Variants in NLRP13 observed in about 807,000 individuals in gnomAD.
NLRP13 encodes NLR family pyrin domain containing 13, also known as NACHT, LRR and PYD domains-containing protein 13.
A neutral mutation model predicts 94.4 loss-of-function variants in NLRP13; 82 were observed. The ratio of observed to expected loss-of-function variants is 0.87; its 90% CI spans 0.73 to 1.04. NLRP13 has a LOEUF of 1.04. NLRP13 is among the 50% of genes least tolerant of loss of function. NLRP13 has a pLI of 0.00. For synonymous variants in NLRP13, 553 were observed against 464.7 expected (o/e 1.19, Z -2.45); for missense variants, 1,426 against 1,230.8 (o/e 1.16, Z -2.37).
intron 10 of NLRP13, among the ~76,000 whole-genome samples, chr19:55,897,364 C>CA (rs1217548710): frequency 3.3e-5 from 5 of 151,914 alleles, no homozygotes; most frequent in Admixed American, 2.6e-4. Flanking sequence ...ATAATAAATA[C>CA]AAAAAAACAG....
chr19:55,917,696 T>C (rs1438644449), intron 4 of NLRP13, among the ~76,000 whole-genome samples: 2 of 152,010 alleles, frequency 1.3e-5, no homozygotes, highest in African/African-American at 4.8e-5. Context: ...TTTTATATAA[T>C]GATAAAGGGA....
Position 55,911,867 on chromosome 19 carries a change from G to A in NLRP13, c.1950C>T (p.Phe650=), listed in dbSNP as rs1319155337. 2 of 1,614,156 alleles carry A rather than the reference G, an allele frequency of 1.2e-6. No individual in the cohort carries two copies. The highest frequency in any genetic ancestry group is 3.3e-5 in the Admixed American group (2 of 60,018). The stretch of plus-strand genomic sequence containing the variant: ...AGATACGACCCAACATCTTCTTTGT[G>A]AAGTCTTCCTCCTGGGACTCGTGTA... ...HCLHESQEED[F]TKKMLGRIFE... is the part of the protein sequence containing the mutation. The change falls in exon 5 of 11, where the codon TTC becomes TTT. Residue 650 remains phenylalanine, a synonymous_variant. Coordinates refer to ENST00000342929, the MANE Select transcript of NLRP13 (RefSeq NM_176810.2).
intron 1 of NLRP13, among the ~76,000 whole-genome samples, chr19:55,929,865 A>T (rs1274360582): frequency 6.6e-6 from 1 of 152,190 alleles, no homozygotes; most frequent in Non-Finnish European, 1.5e-5. Flanking sequence ...AATAAAGCCT[A>T]AAGTTGGTTC....
Position 55,901,896 on chromosome 19 carries a change from C to G in NLRP13, c.2789+139G>C, listed in dbSNP as rs1986189571. 5 of 874,814 alleles carry G rather than the reference C, an allele frequency of 5.7e-6. No individual in the cohort carries two copies. The South Asian group carries it at 9.1e-5, about 16-fold the overall frequency. 54.2% of individuals were successfully genotyped at this position (874,814 alleles called of 1,614,324 possible). A position where few individuals can be genotyped will look rare whatever the true frequency, so the allele number is the denominator to read the frequency against. On this transcript the variant is annotated intron_variant, in intron 9 of 10. Transcript: ENST00000342929. ...CTCCCACTTTCCCCATCCCACACCC[C>G]CGACAAAACCAGAAGCTCCTCCATG... is the stretch of plus-strand genomic sequence containing the variant.
intron 6 of NLRP13, among the ~76,000 whole-genome samples, chr19:55,908,871 C>A (rs1354497937): frequency 6.6e-6 from 1 of 152,150 alleles, no homozygotes; most frequent in Non-Finnish European, 1.5e-5. Context: ...CCATGACACA[C>A]ATTTACCTAG....
chr19:55,906,721 G>A (rs1331544976), intron 7 of NLRP13, among the ~76,000 whole-genome samples: 3 of 149,248 alleles, frequency 2.0e-5, no homozygotes, highest in East Asian at 2.0e-4. Flanking sequence ...GAGACAGACC[G>A]TTACTCTTTG....
chr19:55,911,992 A>T lies in NLRP13; in HGVS notation c.1825T>A (p.Ser609Thr), dbSNP rs564352779. Residue 609 changes from serine to threonine, a missense_variant, in exon 5 of 11, where the codon TCT becomes ACT. Ser to Thr is a moderately conservative substitution (Grantham distance 58). Coordinates refer to ENST00000342929, the MANE Select transcript of NLRP13 (RefSeq NM_176810.2). The stretch of plus-strand genomic sequence containing the variant: ...AATAATTCCTCCATTACCCTGGGAG[A>T]TATTTTACAATGCAAAGTATCTTCC... ...ELEDTLHCKI[S>T]PRVMEELLKW... 17 of 1,614,066 alleles carry T rather than the reference A, an allele frequency of 1.1e-5. No homozygotes were observed. Among genetic ancestry groups the T allele is most frequent in the Non-Finnish European group, 1.4e-5 (17 of 1,180,034 alleles).
chr19:55,898,929 C>A lies in NLRP13; in HGVS notation c.2798G>T (p.Gly933Val), dbSNP rs761295400. Residue 933 changes from glycine to valine, a missense_variant, in exon 10 of 11, where the codon GGT (glycine) becomes GTT (valine). Coordinates refer to ENST00000342929, the MANE Select transcript of NLRP13 (RefSeq NM_176810.2). Reference protein sequence around the residue: ...DGNLQSLNLSGCSFTREGCGE... With the variant: ...DGNLQSLNLSVCSFTREGCGE... ...ACAGCCCTCTCTTGTGAAAGAACAA[C>A]CTGACAAACTGCAAAATAAAAACAT... 6.2e-7 allele frequency: 1 copy of A among 1,607,100 alleles called. No individual in the cohort carries two copies. The highest frequency in any genetic ancestry group is 1.1e-5 in the South Asian group (1 of 89,890).
At chr19:55,918,831 C>A (rs1305268490) in intron 4 of NLRP13, among the ~76,000 whole-genome samples, 1 of 151,986 alleles carries the variant, frequency 6.6e-6, no homozygotes, top group Non-Finnish European at 1.5e-5. Flanking sequence ...GAAACTGTTG[C>A]AGAAAAAGAT....
At position 55,912,853 on chromosome 19, in the gene NLRP13, G is replaced by A. The variant is rs200051453; in HGVS notation, c.964C>T (p.Arg322Cys). 9.9e-5 allele frequency: 160 copies of A among 1,614,024 alleles called. No individual in the cohort carries two copies. Among genetic ancestry groups the A allele is most frequent in the Non-Finnish European group, 1.2e-4 (144 of 1,180,048 alleles). Residue 322 changes from arginine (R) to cysteine (C), a missense_variant, in exon 5 of 11, where the codon CGC (arginine) becomes TGC (cysteine). Arg to Cys is a radical substitution (Grantham distance 180). Transcript: ENST00000342929. ...GFEEIIISES[R>C]SESLDDGSPC... ...GAGCCATCATCCAAGCTCTCAGAGC[G>A]TGACTCAGATATGATTATTTCCTCA...
chr19:55,895,788 G>A (rs113695958), downstream of NLRP13, among the ~76,000 whole-genome samples: 4 of 152,342 alleles, frequency 2.6e-5, no homozygotes, highest in African/African-American at 9.6e-5. Flanking sequence ...CACAGCAGGT[G>A]CACAGCACAG....
intron 3 of NLRP13, 79 bp from the exon 4 acceptor site, chr19:55,924,058 A>G: frequency 1.8e-6 from 2 of 1,099,682 alleles, no homozygotes; most frequent in East Asian, 2.4e-5. Context: ...TCTCAGTAGA[A>G]CCAACTCTTT....
At chr19:55,917,409 T>A (rs1986699085) in intron 4 of NLRP13, among the ~76,000 whole-genome samples, 1 of 151,940 alleles carries the variant, frequency 6.6e-6, no homozygotes, top group African/African-American at 2.4e-5. Context: ...ACATTGTAAC[T>A]GGAAAAAAGG....
chr19:55,928,227 C>A (rs919839520), intron 1 of NLRP13, among the ~76,000 whole-genome samples: 3 of 152,166 alleles, frequency 2.0e-5, no homozygotes, highest in African/African-American at 4.8e-5. Flanking sequence ...GGCCCTGCAG[C>A]CTTCAGGCAG....
At chr19:55,920,524 G>C (rs1368520717) in intron 4 of NLRP13, among the ~76,000 whole-genome samples, 1 of 151,066 alleles carries the variant, frequency 6.6e-6, no homozygotes, top group Non-Finnish European at 1.5e-5. Context: ...AGAAGACATA[G>C]AAGTAGTCAA....
At chr19:55,930,188 TACAA>T (rs1987076946) in intron 1 of NLRP13, among the ~76,000 whole-genome samples, 1 of 152,164 alleles carries the variant, frequency 6.6e-6, no homozygotes, top group African/African-American at 2.4e-5. Flanking sequence ...GGAGAAGCTG[TACAA>T]GGTCAAGCAC....
intron 1 of NLRP13, 78 bp downstream of exon 1, chr19:55,931,915 C>T: frequency 7.7e-7 from 1 of 1,306,272 alleles, no homozygotes; most frequent in Admixed American, 1.9e-5. Context: ...TGGAATGACC[C>T]CACAAAAACC....
At chr19:55,897,343 A>G (rs1986043871) in intron 10 of NLRP13, among the ~76,000 whole-genome samples, 1 of 152,044 alleles carries the variant, frequency 6.6e-6, no homozygotes, top group Admixed American at 6.6e-5. Flanking sequence ...ACATGGTGAA[A>G]CCTCATTTCC....
chr19:55,898,554 A>G (rs1448274215), intron 10 of NLRP13, among the ~76,000 whole-genome samples: 1 of 152,082 alleles, frequency 6.6e-6, no homozygotes, highest in Non-Finnish European at 1.5e-5. Context: ...CATGTTGGTC[A>G]GGCTGCTCTC....
Sources: allele counts gnomAD v4.1 joint callset (sites outside exome capture counted in the v4.1 genomes callset), GRCh38; gene constraint gnomAD v4.1.1; transcripts MANE v1.5; gene names NCBI Gene and HGNC (gene_info 2026-07-23, HGNC 2026-07-21).